PLEKHA5: variants seen among roughly 807,000 people sequenced by gnomAD.
PLEKHA5 encodes pleckstrin homology domain-containing family A member 5.
In PLEKHA5, 55 loss-of-function variants were observed where a neutral mutation model predicts 181.9. The observed-to-expected ratio is 0.30, with a 90% CI of 0.24 to 0.38. PLEKHA5 has a LOEUF of 0.38. Ranked by LOEUF, PLEKHA5 falls within the 10% of genes least tolerant of loss-of-function variation. PLEKHA5 has a pLI of 1.00. For missense variants in PLEKHA5, 1,432 were observed against 1,549.5 expected, an observed-to-expected ratio of 0.92 and a Z score of 1.27; for synonymous variants, 535 against 529.4, an observed-to-expected ratio of 1.01 and a Z score of -0.15.
intron 6 of PLEKHA5, 142 bp downstream of exon 6, chr12:19,257,679 A>ATTTGAT: frequency 1.7e-6 from 1 of 592,270 alleles, no homozygotes; most frequent in South Asian, 2.2e-5. Context: ...ACTGCTTGTT[A>ATTTGAT]CCCCTGAAGA....
At position 19,283,558 on chromosome 12, in the gene PLEKHA5, G is replaced by T. The variant is rs765239682; in HGVS notation, c.1592G>T (p.Ser531Ile). The change falls in exon 12 of 32, where the codon AGT becomes ATT. Residue 531 changes from serine to isoleucine, a missense_variant. By Grantham distance (142) the Ser-to-Ile change is moderately radical. Around this residue, in one of 2 missense-constraint regions of PLEKHA5, gnomAD observed 1,143 missense variants for 1,168.4 expected, o/e 0.98. Transcript: ENST00000429027. The part of the protein sequence containing the change: ...QSTLPRHSTL[S>I]SPKTMVNISD... ...ACCCTCCCTCGACACAGTACTTTGAGTAGTCCCAAAACCATGGTAAATATT... is the reference window on the plus strand; with the variant it reads ...ACCCTCCCTCGACACAGTACTTTGATTAGTCCCAAAACCATGGTAAATATT... 8 of 1,614,052 alleles carry T rather than the reference G, an allele frequency of 5.0e-6. No individual in the cohort carries two copies. The South Asian group carries it at 8.8e-5, about 18-fold the overall frequency.
intron 3 of PLEKHA5, chr12:19,151,130 A>G (rs1409260891): frequency 2.6e-5 from 4 of 152,282 alleles, no homozygotes; most frequent in South Asian, 2.1e-4. Context: ...CCTTGGGGGA[A>G]TGGGGAATAA....
chr12:19,320,650 T>G (rs776666709), intron 18 of PLEKHA5, 26 bp downstream of exon 18: 1 of 1,081,868 alleles, frequency 9.2e-7, no homozygotes, highest in Non-Finnish European at 1.4e-6. Context: ...ATATATGTGG[T>G]CAGTACTCTG....
chr12:19,369,000 A>G (rs2095507435), intron 30 of PLEKHA5, among the ~76,000 whole-genome samples: 1 of 152,022 alleles, frequency 6.6e-6, no homozygotes, highest in Non-Finnish European at 1.5e-5. Flanking sequence ...AGAAAAAAAA[A>G]ATGTAAAGTA....
intron 3 of PLEKHA5, among the ~76,000 whole-genome samples, chr12:19,209,554 A>G (rs1401299387): frequency 1.3e-5 from 2 of 152,234 alleles, no homozygotes; most frequent in East Asian, 1.9e-4. Context: ...GATTAGCTCC[A>G]GAGAAGAGCA....
chr12:19,359,288 T>G (rs1592627450), intron 27 of PLEKHA5, 124 bp from the exon 28 acceptor site: 2 of 749,428 alleles, frequency 2.7e-6, no homozygotes, highest in East Asian at 5.2e-5. Context: ...TTAGTTTTCA[T>G]AGGAAAACTT....
At chr12:19,287,224 G>A (rs1350184114) in intron 12 of PLEKHA5, among the ~76,000 whole-genome samples, 2 of 151,964 alleles carry the variant, frequency 1.3e-5, no homozygotes, top group East Asian at 2.0e-4. Context: ...GGCTGGTCTC[G>A]AACTCCTGAC....
At chr12:19,178,336 A>C (rs2047783157) in intron 3 of PLEKHA5, among the ~76,000 whole-genome samples, 1 of 152,230 alleles carries the variant, frequency 6.6e-6, no homozygotes, top group Non-Finnish European at 1.5e-5. Context: ...GACATCGCTG[A>C]AACATCAAAC....
intron 3 of PLEKHA5, among the ~76,000 whole-genome samples, chr12:19,253,297 A>G (rs576363458): frequency 1.3e-5 from 2 of 150,212 alleles, no homozygotes; most frequent in Non-Finnish European, 3.0e-5. Flanking sequence ...CTGGTCTTGA[A>G]CGCCTGACCT....
intron 3 of PLEKHA5, among the ~76,000 whole-genome samples, chr12:19,171,353 A>C (rs1442252843): frequency 6.6e-6 from 1 of 152,244 alleles, no homozygotes; most frequent in Non-Finnish European, 1.5e-5. Context: ...TAATATAAAA[A>C]TGAAGAGACA....
chr12:19,233,923 G>A (rs1311875905), intron 3 of PLEKHA5, among the ~76,000 whole-genome samples: 3 of 152,162 alleles, frequency 2.0e-5, no homozygotes, highest in East Asian at 3.9e-4. Flanking sequence ...CGAAGTAGTG[G>A]AGCATTGATC....
chr12:19,151,061 G>A (rs1054994442), intron 3 of PLEKHA5: 14 of 152,382 alleles, frequency 9.2e-5, no homozygotes, highest in Admixed American at 5.9e-4. Flanking sequence ...GATGTGCCAG[G>A]TTATGGGTAT....
intron 3 of PLEKHA5, among the ~76,000 whole-genome samples, chr12:19,231,634 ATTT>A: frequency 1.4e-5 from 2 of 145,714 alleles, no homozygotes; most frequent in Non-Finnish European, 3.0e-5. Context: ...AGCTTGAGTT[ATTT>A]TATATTCATC....
intron 3 of PLEKHA5, among the ~76,000 whole-genome samples, chr12:19,212,202 C>T (rs548006170): frequency 5.3e-5 from 8 of 152,282 alleles, no homozygotes; most frequent in South Asian, 2.1e-4. Flanking sequence ...GTGGAATAAT[C>T]GCTTGAACCC....
intron 3 of PLEKHA5, among the ~76,000 whole-genome samples, chr12:19,140,224 A>T (rs1277560771): frequency 6.6e-6 from 1 of 152,220 alleles, no homozygotes; most frequent in East Asian, 1.9e-4. Context: ...ATAGTATGTT[A>T]GACTACACAT....
chr12:19,366,351 A>T (rs1399997235), intron 30 of PLEKHA5, among the ~76,000 whole-genome samples: 1 of 152,096 alleles, frequency 6.6e-6, no homozygotes, highest in African/African-American at 2.4e-5. Context: ...ACATAGAGTA[A>T]ACTTTTTCTA....
chr12:19,369,657 A>G, intron 30 of PLEKHA5, 36 bp from the exon 31 acceptor site: 2 of 1,333,900 alleles, frequency 1.5e-6, no homozygotes, highest in Non-Finnish European at 2.1e-6. Flanking sequence ...TGTCTTAAAG[A>G]TTTTTATCTT....
Position 19,198,846 on chromosome 12 carries a change from C to G in PLEKHA5, c.228-55094C>G, listed in dbSNP as rs80356155. On this transcript the variant is annotated intron_variant, in intron 3 of 31. Coordinates refer to ENST00000429027, the MANE Select transcript of PLEKHA5 (RefSeq NM_001256470.2). Reference sequence around the variant, plus strand: ...AGCAGAATGCAGGAATAGTTATCCCCATTTTTTTATTTACATAGTGAAATA... The same window carrying G: ...AGCAGAATGCAGGAATAGTTATCCCGATTTTTTTATTTACATAGTGAAATA... Among the ~76,000 whole-genome samples the G allele has an allele frequency of 9.4e-3, 1,438 of 152,180 alleles. 16 individuals carry two copies. The highest frequency in any genetic ancestry group is 0.033 in the African/African-American group (1,363 of 41,520).
chr12:19,283,232 AAAAT>A, intron 11 of PLEKHA5, 44 bp from the exon 12 acceptor site: 1 of 1,182,586 alleles, frequency 8.5e-7, no homozygotes, highest in Non-Finnish European at 1.2e-6. Context: ...TAGAATTTGG[AAAAT>A]AACCCTCCTT....
Sources: allele counts gnomAD v4.1 joint callset (sites outside exome capture counted in the v4.1 genomes callset), GRCh38; gene constraint gnomAD v4.1.1; regional missense constraint gnomAD v4.1.1; transcripts MANE v1.5; gene names NCBI Gene and HGNC (gene_info 2026-07-23, HGNC 2026-07-21).